NCOR2: variants seen among roughly 807,000 people sequenced by gnomAD.
NCOR2 encodes nuclear receptor corepressor 2.
A neutral mutation model predicts 262.9 loss-of-function variants in NCOR2; 81 were observed. The ratio of observed to expected loss-of-function variants is 0.31; its 90% CI spans 0.26 to 0.37. NCOR2 has a LOEUF of 0.37. Ranked by LOEUF, NCOR2 falls within the 10% of genes least tolerant of loss-of-function variation. The pLI is 1.00. For missense variants in NCOR2, 3,385 were observed against 3,621.4 expected (o/e 0.93, Z 1.68); for synonymous variants, 1,659 against 1,559.3 (o/e 1.06, Z -1.51).
At chr12:124,438,537 T>C (rs1036030835) in intron 7 of NCOR2, among the ~76,000 whole-genome samples, 1 of 148,814 alleles carries the variant, frequency 6.7e-6, no homozygotes, top group African/African-American at 2.5e-5. Context: ...CCACCAGGCA[T>C]GGACTTCAGG....
chr12:124,326,274 A>G, exon 46 of NCOR2: 1 of 1,562,452 alleles, frequency 6.4e-7, no homozygotes. Flanking sequence ...CACTGAGGAG[A>G]CAGAGGGTGG....
chr12:124,472,582 G>A (rs184417409), intron 4 of NCOR2, among the ~76,000 whole-genome samples: 34 of 152,308 alleles, frequency 2.2e-4, no homozygotes, highest in African/African-American at 8.2e-4. Context: ...ATCTGAACCT[G>A]GACAGACTGG....
rs138716671 is a variant in NCOR2, at chr12:124,548,570, T to TC, written c.-164-12960dup. On this transcript the variant is annotated intron_variant, in intron 1 of 32. Coordinates refer to the NCOR2 transcript ENST00000458234. The surrounding 1 kb of genome is among the most constrained non-coding windows in gnomAD (Gnocchi z 5.1). Reference sequence around the variant, plus strand: ...CAGAGGGTCTCGATGGCAATGCTGTTCCCCCCCAAACATAGTTACTGTTTA... The same window carrying TC: ...CAGAGGGTCTCGATGGCAATGCTGTTCCCCCCCCAAACATAGTTACTGTTTA... Among the ~76,000 whole-genome samples, 1,949 of 151,702 alleles carry TC rather than the reference T, an allele frequency of 0.013. 37 individuals carry two copies. Among genetic ancestry groups the TC allele is most frequent in the African/African-American group, 0.043 (1,792 of 41,348 alleles).
At chr12:124,489,273 C>T (rs2047948845) in intron 1 of NCOR2, among the ~76,000 whole-genome samples, 1 of 152,170 alleles carries the variant, frequency 6.6e-6, no homozygotes, top group Non-Finnish European at 1.5e-5. Flanking sequence ...AACAATAATA[C>T]CCCACAGTAA....
At chr12:124,408,727 T>TG (rs2042408101) in intron 13 of NCOR2, among the ~76,000 whole-genome samples, 1 of 152,190 alleles carries the variant, frequency 6.6e-6, no homozygotes, top group Non-Finnish European at 1.5e-5. Context: ...CTAGCCTGGG[T>TG]GACAGAGCGA....
chr12:124,421,213 G>A (rs1484145739), intron 12 of NCOR2, among the ~76,000 whole-genome samples: 5 of 152,212 alleles, frequency 3.3e-5, no homozygotes, highest in Admixed American at 6.5e-5. Context: ...CGGCCTCTCC[G>A]TTGGCAGCTC....
upstream of NCOR2, chr12:124,538,507 C>G (rs371336107): frequency 6.5e-6 from 1 of 152,940 alleles, no homozygotes; most frequent in East Asian, 1.9e-4. Flanking sequence ...GCAGCAGGGG[C>G]GGGTCACGCA....
intron 4 of NCOR2, among the ~76,000 whole-genome samples, chr12:124,469,638 T>TCCCTG (rs2046724072): frequency 1.3e-5 from 2 of 152,154 alleles, no homozygotes; most frequent in Non-Finnish European, 2.9e-5. Context: ...CTCTGCAGCC[T>TCCCTG]CAGCCAGGGC....
intron 38 of NCOR2, chr12:124,335,905 TG>T: frequency 2.2e-6 from 1 of 446,842 alleles, no homozygotes; most frequent in South Asian, 4.0e-5. Context: ...GGGACAGAGA[TG>T]GGTTCAGGTG....
At chr12:124,429,756 C>T in intron 9 of NCOR2, 50 bp from the exon 12 acceptor site, 1 of 1,500,032 alleles carries the variant, frequency 6.7e-7, no homozygotes, top group Non-Finnish European at 9.1e-7. Context: ...TGGTCGGGGA[C>T]ACTAGCAGAC....
At position 124,350,749 on chromosome 12, in the gene NCOR2, G is replaced by C. The variant is rs1379091722; in HGVS notation, c.3694-12C>G. ...TCAGCTGGCGTGCCCTGCAGGTGCA[G>C]AGGGGTGAGCGCCCAGGAGGCTGCA... is the stretch of plus-strand genomic sequence containing the variant. On this transcript the variant is annotated splice_polypyrimidine_tract_variant and intron_variant, in intron 27 of 46. Transcript: ENST00000405201. 1 of 1,607,646 alleles carries C rather than the reference G, an allele frequency of 6.2e-7. No homozygotes were observed. The highest frequency in any genetic ancestry group is 1.7e-5 in the Admixed American group (1 of 59,870).
At chr12:124,371,755 T>C (rs2039540762) in intron 20 of NCOR2, among the ~76,000 whole-genome samples, 1 of 152,132 alleles carries the variant, frequency 6.6e-6, no homozygotes, top group Admixed American at 6.5e-5. Flanking sequence ...TGGCACACTC[T>C]CTCCCTAGCG....
chr12:124,378,179 C>T lies in NCOR2; in HGVS notation c.2167+58G>A, dbSNP rs556706084. 187 of 1,588,376 alleles carry T rather than the reference C, an allele frequency of 1.2e-4. 1 individual carries two copies. The South Asian group carries it at 1.6e-3, about 14-fold the overall frequency. ...TGCCGGGATCAGTTCCCGCTATGCCCTCCCTCAGAGCTCGGACCCACAGCT... is the reference window on the plus strand; with the variant it reads ...TGCCGGGATCAGTTCCCGCTATGCCTTCCCTCAGAGCTCGGACCCACAGCT... On this transcript the variant is annotated intron_variant, in intron 18 of 46. Transcript: ENST00000405201. This position sits in a 1 kb window ranked among gnomAD's most constrained non-coding sequence, Gnocchi z 4.2.
chr12:124,502,260 C>CTCTG, intron 1 of NCOR2, among the ~76,000 whole-genome samples: 1 of 152,354 alleles, frequency 6.6e-6, no homozygotes, highest in East Asian at 1.9e-4. Context: ...TGGTGGCTCA[C>CTCTG]TCTGTCTACC....
At chr12:124,397,428 T>A (rs1188602138) in intron 16 of NCOR2, among the ~76,000 whole-genome samples, 1 of 152,010 alleles carries the variant, frequency 6.6e-6, no homozygotes, top group Non-Finnish European at 1.5e-5. Context: ...TGAGAGGGGA[T>A]CCGGCTTAGG....
intron 17 of NCOR2, among the ~76,000 whole-genome samples, chr12:124,379,769 C>T (rs953035209): frequency 2.6e-5 from 4 of 152,306 alleles, no homozygotes; most frequent in Admixed American, 2.0e-4. Flanking sequence ...TAAGATGATG[C>T]CACACTGGAG....
At position 124,333,101 on chromosome 12, in the gene NCOR2, G is replaced by A. The variant is rs199600079; in HGVS notation, c.6755+29C>T. 4.0e-5 allele frequency: 62 copies of A among 1,568,232 alleles called. No homozygotes were observed. The East Asian group carries it at 7.0e-4, about 18-fold the overall frequency. On this transcript the variant is annotated intron_variant, in intron 42 of 46. Coordinates refer to ENST00000405201, the Ensembl canonical transcript of NCOR2. ...TGGGCAAGGGATACCAGAGCATCCC[G>A]GGGGCAGCGCATGTGCCCACAGAAG...
At chr12:124,401,831 A>G (rs2042000979) in intron 14 of NCOR2, among the ~76,000 whole-genome samples, 1 of 152,180 alleles carries the variant, frequency 6.6e-6, no homozygotes, top group Non-Finnish European at 1.5e-5. Context: ...TGAGCCCATT[A>G]CAGGTACCTG....
chr12:124,354,048 G>T, intron 27 of NCOR2, 45 bp downstream of exon 29: 1 of 1,548,908 alleles, frequency 6.5e-7, no homozygotes. Flanking sequence ...GGCTGGCCCC[G>T]TGCTGGTCCC....
Sources: allele counts gnomAD v4.1 joint callset (sites outside exome capture counted in the v4.1 genomes callset), GRCh38; gene constraint gnomAD v4.1.1; non-coding constraint Gnocchi (gnomAD v3.1); transcripts MANE v1.5; gene names NCBI Gene and HGNC (gene_info 2026-07-23, HGNC 2026-07-21).